Variants in MED15 observed in about 807,000 individuals in gnomAD.
MED15 encodes the protein mediator complex subunit 15.
MED15 carries 41 observed loss-of-function variants against 118.7 expected under a neutral mutation model. That is an observed-to-expected ratio of 0.35 (90% CI 0.27 to 0.45). The LOEUF (loss-of-function observed/expected upper bound fraction) is 0.45, where lower values mean the gene tolerates loss of function less well. Ranked by LOEUF, MED15 falls within the 20% of genes least tolerant of loss-of-function variation. The pLI is 1.00. For missense variants in MED15, 740 were observed against 1,025.5 expected (o/e 0.72, Z 3.80); for synonymous variants, 436 against 413.9 (o/e 1.05, Z -0.65).
In MED15 at chr22:20,507,642, C is replaced by T. The variant is rs1403930002; in HGVS notation, c.-37C>T. 1.2e-6 allele frequency: 2 copies of T among 1,613,406 alleles called. No individual in the cohort carries two copies. Among genetic ancestry groups the T allele is most frequent in the Non-Finnish European group, 1.7e-6 (2 of 1,179,554 alleles). On this transcript the variant is annotated 5_prime_UTR_variant, in exon 1 of 18. Transcript: ENST00000263205. Reference sequence around the variant, plus strand: ...TGACTGAGGCGGCGGCGGTGGCGGCCAAGCGGGATACGGGCGGCGGGAGCT... The same window carrying T: ...TGACTGAGGCGGCGGCGGTGGCGGCTAAGCGGGATACGGGCGGCGGGAGCT...
At chr22:20,527,142 G>C (rs181506200) in intron 1 of MED15, among the ~76,000 whole-genome samples, 3 of 152,168 alleles carry the variant, frequency 2.0e-5, no homozygotes, top group Admixed American at 2.0e-4. Flanking sequence ...CTCTACTTGG[G>C]AAGTTCCTTT....
chr22:20,564,475 G>A lies in MED15; in HGVS notation c.477G>A (p.Ala159=), dbSNP rs768950687. 4.3e-6 allele frequency: 7 copies of A among 1,612,814 alleles called. No individual in the cohort carries two copies. The African/African-American group carries it at 6.7e-5, about 15-fold the overall frequency. ...PQTQLQLQQV[A]LQQQQQQQQF... ...CCCAGCTGCAGCTCCAGCAGGTGGCGCTGCAGCAGCAGCAGCAACAGCAGC... is the reference window on the plus strand; with the variant it reads ...CCCAGCTGCAGCTCCAGCAGGTGGCACTGCAGCAGCAGCAGCAACAGCAGC... Residue 159 remains alanine (A), a synonymous_variant, in exon 6 of 18, where the codon GCG becomes GCA. Transcript: ENST00000263205.
At chr22:20,574,963 TG>T in intron 8 of MED15, 149 bp from the exon 9 acceptor site, 1 of 1,032,688 alleles carries the variant, frequency 9.7e-7, no homozygotes, top group Non-Finnish European at 1.4e-6. Flanking sequence ...AACATGTGGG[TG>T]GCCTCCCCTC....
Position 20,566,776 on chromosome 22 carries a change from C to A in MED15, c.1000C>A (p.Leu334Ile), listed in dbSNP as rs774840635. 6.2e-7 allele frequency: 1 copy of A among 1,614,232 alleles called. No homozygotes were observed. The highest frequency in any genetic ancestry group is 2.2e-5 in the East Asian group (1 of 44,886). ...TQPLVSQAQA[L>I]PGQMLYTQPP... ...GCCTTTGGTGTCACAGGCGCAAGCT[C>A]TCCCTGGACAAATGTTGTATACCCA... Residue 334 changes from leucine (L) to isoleucine (I), a missense_variant, in exon 7 of 18, where the codon CTC becomes ATC. Coordinates refer to ENST00000263205, the MANE Select transcript of MED15 (RefSeq NM_001003891.3).
At position 20,584,786 on chromosome 22, in the gene MED15, G is replaced by A. The variant is rs1012720325; in HGVS notation, c.1804-69G>A. On this transcript the variant is annotated intron_variant, in intron 14 of 17. Transcript: ENST00000263205. ...TGACTGTGAGTGACCATGGGCCTGG[G>A]GTGTGAAGGCCCCCTAAATGGGGAA... The A allele has an allele frequency of 2.7e-5, 42 of 1,567,594 alleles. 2 individuals are homozygous for A. The highest frequency in any genetic ancestry group is 2.3e-5 in the East Asian group (1 of 44,396).
At chr22:20,562,071 C>G (rs761531274) in intron 5 of MED15, among the ~76,000 whole-genome samples, 1 of 151,944 alleles carries the variant, frequency 6.6e-6, no homozygotes, top group African/African-American at 2.4e-5. Flanking sequence ...GTGAGAGGAT[C>G]GCTTGCTTGA....
intron 6 of MED15, 68 bp downstream of exon 6, chr22:20,564,756 A>G: frequency 1.2e-6 from 2 of 1,602,986 alleles, no homozygotes; most frequent in Non-Finnish European, 1.7e-6. Flanking sequence ...GGCATCAGCC[A>G]CAATGCTGGG....
chr22:20,571,658 C>T lies in MED15; in HGVS notation c.1152+3027C>T, dbSNP rs472836. 6.1e-3 allele frequency among the ~76,000 whole-genome samples: 932 copies of T among 152,370 alleles called. 10 individuals are homozygous for T. Among genetic ancestry groups the T allele is most frequent in the African/African-American group, 0.021 (888 of 41,586 alleles). On this transcript the variant is annotated intron_variant, in intron 8 of 17. Coordinates refer to ENST00000263205, the MANE Select transcript of MED15 (RefSeq NM_001003891.3). Reference sequence around the variant, plus strand: ...ATTGGGCACCCTCACTGCCTTGTTCCACCAATAGCAGCGCCCCCTGCTGGG... The same window carrying T: ...ATTGGGCACCCTCACTGCCTTGTTCTACCAATAGCAGCGCCCCCTGCTGGG...
At chr22:20,535,001 A>G (rs932593099) in intron 1 of MED15, among the ~76,000 whole-genome samples, 9 of 152,270 alleles carry the variant, frequency 5.9e-5, no homozygotes, top group African/African-American at 2.2e-4. Flanking sequence ...TCTGTCGCCC[A>G]GGCTGGAGTG....
chr22:20,559,223 A>T (rs165671), intron 5 of MED15, among the ~76,000 whole-genome samples: 1 of 151,970 alleles, frequency 6.6e-6, no homozygotes, highest in Non-Finnish European at 1.5e-5. Context: ...CATCAGGAGC[A>T]ATGAAGCAGA....
chr22:20,508,884 A>AGG (rs1420766105), intron 1 of MED15, among the ~76,000 whole-genome samples: 1 of 152,160 alleles, frequency 6.6e-6, no homozygotes, highest in African/African-American at 2.4e-5. Flanking sequence ...GATTTGCCTG[A>AGG]GACACAGCCC....
At position 20,581,159 on chromosome 22, in the gene MED15, C is replaced by T. The variant is rs540318586; in HGVS notation, c.1273-1452C>T. Reference sequence around the variant, plus strand: ...TCTCCCAGCACACGTGGTTCAGGAACGGCCTGCACCCAGCATCCCTTGCAG... The same window carrying T: ...TCTCCCAGCACACGTGGTTCAGGAATGGCCTGCACCCAGCATCCCTTGCAG... On this transcript the variant is annotated intron_variant, in intron 9 of 17. Coordinates refer to ENST00000263205, the MANE Select transcript of MED15 (RefSeq NM_001003891.3). 4.1e-4 allele frequency among the ~76,000 whole-genome samples: 62 copies of T among 152,344 alleles called. 1 individual carries two copies. In the South Asian group the frequency reaches 0.012, roughly 30 times the overall value.
At chr22:20,547,541 CAG>C (rs2055592630) in intron 2 of MED15, among the ~76,000 whole-genome samples, 1 of 152,126 alleles carries the variant, frequency 6.6e-6, no homozygotes, top group Non-Finnish European at 1.5e-5. Context: ...AAAAATTGGC[CAG>C]GCGTGGTGGC....
At position 20,556,450 on chromosome 22, in the gene MED15, G is replaced by A. The variant is rs901775910; in HGVS notation, c.451+1302G>A. ...CGACTACCTGGGACTACAGGCGCCT[G>A]CCACCATGCCCAGCTAATTTTATAT... On this transcript the variant is annotated intron_variant, in intron 5 of 17. Transcript: ENST00000263205. 2.0e-5 allele frequency among the ~76,000 whole-genome samples: 3 copies of A among 151,988 alleles called. No individual in the cohort carries two copies. The East Asian group carries it at 5.8e-4, about 29-fold the overall frequency.
Position 20,584,375 on chromosome 22 carries a change from T to C in MED15, c.1753T>C (p.Leu585=), listed in dbSNP as rs759603736. Residue 585 remains leucine, a synonymous_variant, in exon 14 of 18, where the codon TTG becomes CTG. Coordinates refer to ENST00000263205, the MANE Select transcript of MED15 (RefSeq NM_001003891.3). ...TCTCTGCAGGTGTCCCCTGAAGACC[T>C]TGCAAAAGTGTGAGATCGCCCTGGA... ...DPSKRCPLKT[L]QKCEIALEKL... 50 of 1,613,658 alleles carry C rather than the reference T, an allele frequency of 3.1e-5. No individual in the cohort carries two copies. In the South Asian group the frequency reaches 4.8e-4, roughly 16 times the overall value.
rs1299010204 is a variant in MED15 at position 20,555,010 on chromosome 22, G to C, written c.313G>C (p.Gly105Arg). The C allele has an allele frequency of 6.2e-7, 1 of 1,612,222 alleles. No individual in the cohort carries two copies. ...CGCTGGAATTGGCATGCCTCCTCGG[G>C]GCCCGGGACAGTCTCTGGGCGGGAT... ...GAAGIGMPPR[G>R]PGQSLGGMGS... The change falls in exon 5 of 18, where the codon GGC (glycine) becomes CGC (arginine). Residue 105 changes from glycine (G) to arginine (R), a missense_variant. Coordinates refer to ENST00000263205, the MANE Select transcript of MED15 (RefSeq NM_001003891.3).
In MED15 at chr22:20,584,374, C is replaced by T; in HGVS notation, c.1752C>T (p.Thr584=). 6.2e-7 allele frequency: 1 copy of T among 1,613,774 alleles called. No individual in the cohort carries two copies. The highest frequency in any genetic ancestry group is 8.5e-7 in the Non-Finnish European group (1 of 1,179,830). Residue 584 remains threonine, a synonymous_variant, in exon 14 of 18, where the codon ACC becomes ACT. Transcript: ENST00000263205. The part of the protein sequence containing the change: ...TDPSKRCPLK[T]LQKCEIALEK... ...CTCTCTGCAGGTGTCCCCTGAAGAC[C>T]TTGCAAAAGTGTGAGATCGCCCTGG...
intron 1 of MED15, among the ~76,000 whole-genome samples, chr22:20,526,944 C>G (rs1337887591): frequency 6.6e-6 from 1 of 152,158 alleles, no homozygotes; most frequent in Non-Finnish European, 1.5e-5. Flanking sequence ...AGAAGGGACT[C>G]CTGGGAATTA....
At position 20,537,439 on chromosome 22, in the gene MED15, G is replaced by C. The variant is rs188350104; in HGVS notation, c.156+235G>C. On this transcript the variant is annotated intron_variant, in intron 2 of 17. Transcript: ENST00000263205. ...GCCTCTGGCCCCAGACCTCACTGCCGTCACCTTCCATCTGTGGTCAGCCCC... is the reference window on the plus strand; with the variant it reads ...GCCTCTGGCCCCAGACCTCACTGCCCTCACCTTCCATCTGTGGTCAGCCCC... Among the ~76,000 whole-genome samples, 390 of 152,308 alleles carry C rather than the reference G, an allele frequency of 2.6e-3. 1 individual carries two copies. Among genetic ancestry groups the C allele is most frequent in the Non-Finnish European group, 4.5e-3 (306 of 68,010 alleles).
Sources: allele counts gnomAD v4.1 joint callset (sites outside exome capture counted in the v4.1 genomes callset), GRCh38; gene constraint gnomAD v4.1.1; transcripts MANE v1.5; gene names NCBI Gene and HGNC (gene_info 2026-07-23, HGNC 2026-07-21).